The following KCNA7 variants were observed in gnomAD, a reference collection of about 807,000 sequenced individuals.
KCNA7 encodes potassium voltage-gated channel subfamily A member 7.
KCNA7 carries 15 observed loss-of-function variants against 21.5 expected under a neutral mutation model. The ratio of observed to expected loss-of-function variants is 0.70; its 90% CI spans 0.47 to 1.07. KCNA7 has a LOEUF of 1.07. KCNA7 is among the 50% of genes least tolerant of loss of function. The pLI is 0.00. For missense variants in KCNA7, 640 were observed against 651.6 expected (o/e 0.98, Z 0.19); for synonymous variants, 298 against 291.0 (o/e 1.02, Z -0.24).
chr19:49,072,685 CCCA>C lies in KCNA7; in HGVS notation c.-103_-101del. ...CCGCCTCGGCCGCCGCCGCCGCCGC[CCCA>C]GCCCGGTGTCCGGTGTCCGGTGTCC... On this transcript the variant is annotated 5_prime_UTR_variant, in exon 1 of 2. Transcript: ENST00000221444. The C allele has an allele frequency of 2.3e-6, 2 of 864,956 alleles. No individual in the cohort carries two copies. The highest frequency in any genetic ancestry group is 2.8e-6 in the Non-Finnish European group (2 of 723,484). The allele number at this position is 864,956 out of a possible 1,614,324, so 53.6% of individuals were successfully genotyped here. A position where few individuals can be genotyped will look rare whatever the true frequency, so the allele number is the denominator to read the frequency against.
chr19:49,071,608 TC>T (rs1365476515), intron 1 of KCNA7, among the ~76,000 whole-genome samples: 1 of 149,512 alleles, frequency 6.7e-6, no homozygotes, highest in African/African-American at 2.4e-5. Flanking sequence ...CTAGGCCCCC[TC>T]CTCTGGCCCC....
rs1349701255 is a variant in KCNA7, at chr19:49,072,411, C to T, written c.175G>A (p.Asp59Asn). 6.3e-7 allele frequency: 1 copy of T among 1,581,942 alleles called. No homozygotes were observed. The highest frequency in any genetic ancestry group is 1.1e-5 in the South Asian group (1 of 88,614). Reference sequence around the variant, plus strand: ...GCGTCGAAGCTGGGCCGGTGCCGGTCGAAGAAATACTCGCGGCGCGCGTCG... The same window carrying T: ...GCGTCGAAGCTGGGCCGGTGCCGGTTGAAGAAATACTCGCGGCGCGCGTCG... Reference protein sequence around the residue: ...YDDARREYFFDRHRPSFDAVL... With the variant: ...YDDARREYFFNRHRPSFDAVL... Residue 59 changes from aspartate to asparagine, a missense_variant, in exon 1 of 2, where the codon GAC becomes AAC. Transcript: ENST00000221444.
At position 49,070,231 on chromosome 19, in the gene KCNA7, A is replaced by T; in HGVS notation, c.1203T>A (p.Tyr401Ter). Residue 401 changes from tyrosine (Y) to a stop codon, truncating the protein, a stop_gained, in exon 2 of 2, where the codon TAT becomes TAA. Coordinates refer to ENST00000221444, the MANE Select transcript of KCNA7 (RefSeq NM_031886.3). LOFTEE classifies it high-confidence loss of function. This position sits in a 1 kb window ranked among gnomAD's most constrained non-coding sequence, Gnocchi z 4.3. Reference sequence around the variant, plus strand: ...CCTCTTCGCCCTCTGTCTCCCGGTGATAAAAGTAGCTGAAATTGGAGACAA... The same window carrying T: ...CCTCTTCGCCCTCTGTCTCCCGGTGTTAAAAGTAGCTGAAATTGGAGACAA... The part of the protein sequence containing the change: ...PVIVSNFSYF[Y>*]HRETEGEEAG... 1 of 1,614,230 alleles carries T rather than the reference A, an allele frequency of 6.2e-7. No individual in the cohort carries two copies. Among genetic ancestry groups the T allele is most frequent in the Non-Finnish European group, 8.5e-7 (1 of 1,180,052 alleles).
rs550387187 is a variant in KCNA7 at position 49,069,266 on chromosome 19, A to G, written c.*797T>C. ...ATGGAACTCAATTCAGCATGGCCCT[A>G]TGAGACTCAAACAGTGGCATGACCC... On this transcript the variant is annotated 3_prime_UTR_variant, in exon 2 of 2. Coordinates refer to ENST00000221444, the MANE Select transcript of KCNA7 (RefSeq NM_031886.3). The G allele has an allele frequency of 4.6e-5, 7 of 152,316 alleles. No homozygotes were observed. Among genetic ancestry groups the G allele is most frequent in the African/African-American group, 1.7e-4 (7 of 41,554 alleles). The allele number at this position is 152,316 out of a possible 1,614,324, so 9.4% of individuals were successfully genotyped here. A position where few individuals can be genotyped will look rare whatever the true frequency, so the allele number is the denominator to read the frequency against.
Position 49,070,471 on chromosome 19 carries a change from G to C in KCNA7, c.963C>G (p.Ile321Met), listed in dbSNP as rs202179317. 31 of 1,613,988 alleles carry C rather than the reference G, an allele frequency of 1.9e-5. No homozygotes were observed. Among genetic ancestry groups the C allele is most frequent in the Non-Finnish European group, 2.5e-5 (29 of 1,180,002 alleles). ...CGGCGCTGGAAAAGAGGACCACACC[G>C]ATGAAGAGGAAAAAGATGAGGAGGC... The part of the protein sequence containing the change: ...ELGLLIFFLF[I>M]GVVLFSSAVY... Residue 321 changes from isoleucine to methionine, a missense_variant, in exon 2 of 2, where the codon ATC (isoleucine) becomes ATG (methionine). By Grantham distance (10) the Ile-to-Met change is conservative. Coordinates refer to ENST00000221444, the MANE Select transcript of KCNA7 (RefSeq NM_031886.3). The surrounding 1 kb of genome is among the most constrained non-coding windows in gnomAD (Gnocchi z 4.3).
At chr19:49,071,634 T>G (rs2040258081) in intron 1 of KCNA7, among the ~76,000 whole-genome samples, 1 of 151,962 alleles carries the variant, frequency 6.6e-6, no homozygotes, top group African/African-American at 2.4e-5. Context: ...CCTGGCTTTC[T>G]TTCCATAGAT....
In KCNA7 at chr19:49,072,696, G is replaced by T; in HGVS notation, c.-111C>A. The T allele has an allele frequency of 1.7e-6, 1 of 574,008 alleles. No homozygotes were observed. The highest frequency in any genetic ancestry group is 2.1e-6 in the Non-Finnish European group (1 of 481,858). 35.6% of individuals were successfully genotyped at this position (574,008 alleles called of 1,614,324 possible). On this transcript the variant is annotated 5_prime_UTR_variant, in exon 1 of 2. Transcript: ENST00000221444. ...GCCGCCGCCGCCGCCCCAGCCCGGTGTCCGGTGTCCGGTGTCCGCGCGTAA... is the reference window on the plus strand; with the variant it reads ...GCCGCCGCCGCCGCCCCAGCCCGGTTTCCGGTGTCCGGTGTCCGCGCGTAA...
chr19:49,071,170 C>T (rs942067671), intron 1 of KCNA7, among the ~76,000 whole-genome samples: 4 of 152,056 alleles, frequency 2.6e-5, no homozygotes, highest in South Asian at 2.1e-4. Context: ...CTCAAAGTCC[C>T]GCCTCCAGTG....
Position 49,072,291 on chromosome 19 carries a change from C to G in KCNA7, c.295G>C (p.Gly99Arg). 1.3e-6 allele frequency: 2 copies of G among 1,584,234 alleles called. No individual in the cohort carries two copies. Among genetic ancestry groups the G allele is most frequent in the Non-Finnish European group, 1.7e-6 (2 of 1,169,854 alleles). ...FLEEVAFYGL[G>R]AAALARLRED... ...CGCAGGCGTGCCAGGGCCGCCGCGC[C>G]CAGCCCGTAGAAGGCCACCTCTTCC... Residue 99 changes from glycine (G) to arginine (R), a missense_variant, in exon 1 of 2, where the codon GGC becomes CGC. Transcript: ENST00000221444.
At position 49,072,026 on chromosome 19, in the gene KCNA7, C is replaced by G; in HGVS notation, c.555+5G>C. 2 of 1,590,888 alleles carry G rather than the reference C, an allele frequency of 1.3e-6. No individual in the cohort carries two copies. Among genetic ancestry groups the G allele is most frequent in the Non-Finnish European group, 1.7e-6 (2 of 1,170,340 alleles). On this transcript the variant is annotated splice_donor_5th_base_variant and intron_variant, in intron 1 of 1. Coordinates refer to ENST00000221444, the MANE Select transcript of KCNA7 (RefSeq NM_031886.3). ...GCCCGTCTCCACCCACGCCCCGCCT[C>G]TCACCGGGCCGGCTGCGGCTGCAGC...
Position 49,070,611 on chromosome 19 carries a change from C to T in KCNA7, c.823G>A (p.Ala275Thr), listed in dbSNP as rs574043392. ...ACCAATCGGATGACTCTCAGGATGGCCAGTGACATGGCCTGCTGGCCCACC... is the reference window on the plus strand; with the variant it reads ...ACCAATCGGATGACTCTCAGGATGGTCAGTGACATGGCCTGCTGGCCCACC... ...RGVGQQAMSL[A>T]ILRVIRLVRV... The change falls in exon 2 of 2, where the codon GCC (alanine) becomes ACC (threonine). Residue 275 changes from alanine to threonine, a missense_variant. Physicochemically the swap from Ala to Thr is moderately conservative, Grantham distance 58. Coordinates refer to ENST00000221444, the MANE Select transcript of KCNA7 (RefSeq NM_031886.3). The surrounding 1 kb of genome is among the most constrained non-coding windows in gnomAD (Gnocchi z 4.3). 6.2e-7 allele frequency: 1 copy of T among 1,614,184 alleles called. No homozygotes were observed. The highest frequency in any genetic ancestry group is 1.3e-5 in the African/African-American group (1 of 75,054).
At position 49,070,530 on chromosome 19, in the gene KCNA7, C is replaced by G. The variant is rs779513467; in HGVS notation, c.904G>C (p.Gly302Arg). Residue 302 changes from glycine to arginine, a missense_variant, in exon 2 of 2, where the codon GGC (glycine) becomes CGC (arginine). Physicochemically the swap from Gly to Arg is moderately radical, Grantham distance 125. Transcript: ENST00000221444. This position sits in a 1 kb window ranked among gnomAD's most constrained non-coding sequence, Gnocchi z 4.3. ...SRHSKGLQIL[G>R]QTLRASMREL... ...CGCATGGAGGCCCGAAGCGTCTGGC[C>G]CAAGATTTGCAGGCCCTTTGAGTGC... The G allele has an allele frequency of 6.2e-7, 1 of 1,614,050 alleles. No homozygotes were observed. The highest frequency in any genetic ancestry group is 1.1e-5 in the South Asian group (1 of 91,086).
Position 49,070,775 on chromosome 19 carries a change from A to T in KCNA7, c.659T>A (p.Phe220Tyr). 1.2e-6 allele frequency: 2 copies of T among 1,614,172 alleles called. No individual in the cohort carries two copies. The highest frequency in any genetic ancestry group is 1.7e-6 in the Non-Finnish European group (2 of 1,180,030). Residue 220 changes from phenylalanine (F) to tyrosine (Y), a missense_variant, in exon 2 of 2, where the codon TTC (phenylalanine) becomes TAC (tyrosine). Coordinates refer to ENST00000221444, the MANE Select transcript of KCNA7 (RefSeq NM_031886.3). The surrounding 1 kb of genome is among the most constrained non-coding windows in gnomAD (Gnocchi z 4.3). Reference sequence around the variant, plus strand: ...GAGGCGTACCAGCAGCTCAAAGGAGAACCAACAAATACACAGCGTCTCCAC... The same window carrying T: ...GAGGCGTACCAGCAGCTCAAAGGAGTACCAACAAATACACAGCGTCTCCAC... ...FVVETLCICW[F>Y]SFELLVRLLV...
At position 49,070,609 on chromosome 19, in the gene KCNA7, G is replaced by A. The variant is rs764418005; in HGVS notation, c.825C>T (p.Ala275=). The change falls in exon 2 of 2, where the codon GCC becomes GCT. Residue 275 remains alanine (A), a synonymous_variant. Coordinates refer to ENST00000221444, the MANE Select transcript of KCNA7 (RefSeq NM_031886.3). The surrounding 1 kb of genome is among the most constrained non-coding windows in gnomAD (Gnocchi z 4.3). ...GCACCAATCGGATGACTCTCAGGATGGCCAGTGACATGGCCTGCTGGCCCA... is the reference window on the plus strand; with the variant it reads ...GCACCAATCGGATGACTCTCAGGATAGCCAGTGACATGGCCTGCTGGCCCA... ...RGVGQQAMSL[A]ILRVIRLVRV... 1 of 1,614,086 alleles carries A rather than the reference G, an allele frequency of 6.2e-7. No individual in the cohort carries two copies. Among genetic ancestry groups the A allele is most frequent in the Non-Finnish European group, 8.5e-7 (1 of 1,180,048 alleles).
Position 49,069,996 on chromosome 19 carries a change from G to T in KCNA7, c.*67C>A. The T allele has an allele frequency of 7.9e-7, 1 of 1,261,086 alleles. No individual in the cohort carries two copies. Among genetic ancestry groups the T allele is most frequent in the Non-Finnish European group, 1.1e-6 (1 of 895,858 alleles). 78.1% of individuals were successfully genotyped at this position (1,261,086 alleles called of 1,614,324 possible). On this transcript the variant is annotated 3_prime_UTR_variant, in exon 2 of 2. Transcript: ENST00000221444. ...AACCCAATCCCCTCCCCCCAGCCTTGCCCTCCACCCTGCCCTCCCTCCCTC... is the reference window on the plus strand; with the variant it reads ...AACCCAATCCCCTCCCCCCAGCCTTTCCCTCCACCCTGCCCTCCCTCCCTC...
Position 49,072,046 on chromosome 19 carries a change from T to C in KCNA7, c.540A>G (p.Ala180=). 1 of 1,604,660 alleles carries C rather than the reference T, an allele frequency of 6.2e-7. No homozygotes were observed. The highest frequency in any genetic ancestry group is 8.5e-7 in the Non-Finnish European group (1 of 1,176,790). Residue 180 remains alanine, a synonymous_variant, in exon 1 of 2, where the codon GCA becomes GCG. Transcript: ENST00000221444. The part of the protein sequence containing the change: ...DDRDGTGLAA[A]AAAGPFPAPL... Reference sequence around the variant, plus strand: ...CGCCTCTCACCGGGCCGGCTGCGGCTGCAGCAGCAAGCCCCGTGCCGTCGC... The same window carrying C: ...CGCCTCTCACCGGGCCGGCTGCGGCCGCAGCAGCAAGCCCCGTGCCGTCGC...
At chr19:49,071,285 C>T (rs2040255866) in intron 1 of KCNA7, among the ~76,000 whole-genome samples, 1 of 152,034 alleles carries the variant, frequency 6.6e-6, no homozygotes, top group South Asian at 2.1e-4. Context: ...CGGCTGGGCG[C>T]GGTGGCTCAC....
At position 49,068,053 on chromosome 19, in the gene KCNA7, CCG is replaced by C. The variant is rs2040230358; in HGVS notation, c.*2008_*2009del. 1.3e-5 allele frequency: 2 copies of C among 152,156 alleles called. No individual in the cohort carries two copies. The highest frequency in any genetic ancestry group is 4.8e-5 in the African/African-American group (2 of 41,376). 9.4% of individuals were successfully genotyped at this position (152,156 alleles called of 1,614,324 possible). ...TAGCTGGGACTACAGGTGCCCGCCA[CCG>C]CACCCGGCTAATTTTTTTGTATTTT... is the stretch of plus-strand genomic sequence containing the variant. On this transcript the variant is annotated 3_prime_UTR_variant, in exon 2 of 2. Transcript: ENST00000221444.
At chr19:49,071,613 TG>T (rs2040257977) in intron 1 of KCNA7, among the ~76,000 whole-genome samples, 1 of 151,256 alleles carries the variant, frequency 6.6e-6, no homozygotes, top group African/African-American at 2.4e-5. Context: ...CCCCCTCCTC[TG>T]GCCCCTCAAC....
Sources: allele counts gnomAD v4.1 joint callset (sites outside exome capture counted in the v4.1 genomes callset), GRCh38; gene constraint gnomAD v4.1.1; non-coding constraint Gnocchi (gnomAD v3.1); transcripts MANE v1.5; gene names NCBI Gene and HGNC (gene_info 2026-07-23, HGNC 2026-07-21).